PPM1B: variants seen among roughly 807,000 people sequenced by gnomAD.
PPM1B encodes protein phosphatase 1B.
A neutral mutation model predicts 43.0 loss-of-function variants in PPM1B; 22 were observed. That is an observed-to-expected ratio of 0.51 (90% confidence interval 0.37 to 0.73). The LOEUF (loss-of-function observed/expected upper bound fraction) is 0.73. Among genes scored for constraint, PPM1B ranks in the 30% least tolerant of loss-of-function variants. PPM1B has a pLI of 0.00. For synonymous variants in PPM1B, 217 were observed against 197.9 expected (o/e 1.10, Z -0.81); for missense variants, 632 against 584.2 (o/e 1.08, Z -0.84).
chr2:44,183,516 C>G (rs1322870834), intron 1 of PPM1B, among the ~76,000 whole-genome samples: 1 of 152,162 alleles, frequency 6.6e-6, no homozygotes, highest in Non-Finnish European at 1.5e-5. Context: ...TTAGGTAGGC[C>G]TGAATGACCT....
downstream of PPM1B, among the ~76,000 whole-genome samples, chr2:44,238,657 G>T (rs970478997): frequency 1.3e-5 from 2 of 151,798 alleles, no homozygotes; most frequent in Non-Finnish European, 2.9e-5. Flanking sequence ...AGCCAAAATC[G>T]TGCCACTGCA....
intron 2 of PPM1B, among the ~76,000 whole-genome samples, chr2:44,206,218 CTG>C (rs1312435332): frequency 2.0e-5 from 3 of 151,942 alleles, no homozygotes; most frequent in African/African-American, 7.3e-5. Context: ...GTTATCCAAA[CTG>C]GATTTAGAAA....
At chr2:44,217,798 G>C in intron 3 of PPM1B, 169 bp from the exon 4 acceptor site, 1 of 422,720 alleles carries the variant, frequency 2.4e-6, no homozygotes. Flanking sequence ...CAATGTTTCA[G>C]TCAATAAGTA....
At chr2:44,216,270 G>A (rs1240250064) in intron 3 of PPM1B, among the ~76,000 whole-genome samples, 2 of 152,168 alleles carry the variant, frequency 1.3e-5, no homozygotes, top group Non-Finnish European at 2.9e-5. Flanking sequence ...GACATTTTTG[G>A]TGTCATAGCT....
At chr2:44,239,431 GTTTTTCTT>G (rs962526527), downstream of PPM1B, among the ~76,000 whole-genome samples, 21 of 151,330 alleles carry the variant, frequency 1.4e-4, no homozygotes, top group Non-Finnish European at 2.2e-4. Flanking sequence ...CTCTCAGACT[GTTTTTCTT>G]TTTTTCTTTG....
intron 5 of PPM1B, among the ~76,000 whole-genome samples, chr2:44,229,276 T>A (rs1670364742): frequency 6.6e-6 from 1 of 152,186 alleles, no homozygotes; most frequent in Non-Finnish European, 1.5e-5. Flanking sequence ...ATTTTTAATT[T>A]TTGTGGGTAC....
intron 5 of PPM1B, among the ~76,000 whole-genome samples, chr2:44,220,374 TAAAA>T (rs1469658416): frequency 6.6e-6 from 1 of 151,912 alleles, no homozygotes. Flanking sequence ...TTAAATTTTT[TAAAA>T]AGAAAAAATG....
downstream of PPM1B, chr2:44,232,295 C>G (rs767803976): frequency 5.0e-6 from 8 of 1,601,518 alleles, no homozygotes; most frequent in Non-Finnish European, 6.8e-6. Flanking sequence ...TAATAATATT[C>G]TTCCTTTTCT....
downstream of PPM1B, chr2:44,232,997 C>G (rs899896178): frequency 3.1e-6 from 3 of 980,000 alleles, no homozygotes; most frequent in Non-Finnish European, 2.4e-6. Context: ...ATGCATGTAT[C>G]TACTGCATCC....
At chr2:44,219,053 G>A (rs990182446) in intron 5 of PPM1B, 2 of 293,280 alleles carry the variant, frequency 6.8e-6, no homozygotes, top group Admixed American at 5.1e-5. Flanking sequence ...AACCATTTCT[G>A]TTGTACCTTG....
chr2:44,197,123 CT>C (rs202169617), intron 1 of PPM1B, among the ~76,000 whole-genome samples: 1 of 151,468 alleles, frequency 6.6e-6, no homozygotes, highest in African/African-American at 2.4e-5. Flanking sequence ...CTAACGTTAA[CT>C]TTTTTTTTGA....
At position 44,201,958 on chromosome 2, in the gene PPM1B, G is replaced by A. The variant is rs1330404275; in HGVS notation, c.759G>A (p.Glu253=). 1.9e-6 allele frequency: 3 copies of A among 1,613,972 alleles called. No homozygotes were observed. The highest frequency in any genetic ancestry group is 2.2e-5 in the East Asian group (1 of 44,874). The change falls in exon 2 of 6, where the codon GAG becomes GAA. Residue 253 remains glutamate (E), a synonymous_variant. Transcript: ENST00000282412. This position sits in a 1 kb window ranked among gnomAD's most constrained non-coding sequence, Gnocchi z 5.4. ...TCTGGGATGTTATGAGTAATGAGGA[G>A]CTCTGTGAATATGTTAAATCTAGGC... The part of the protein sequence containing the change: ...DGIWDVMSNE[E]LCEYVKSRLE...
chr2:44,209,253 A>G lies in PPM1B; in HGVS notation c.890A>G (p.Asn297Ser). The change falls in exon 3 of 6, where the codon AAT (asparagine) becomes AGT (serine). Residue 297 changes from asparagine to serine, a missense_variant. Around this residue, in one of 3 missense-constraint regions of PPM1B, gnomAD observed 392 missense variants for 302.7 expected, o/e 1.29. Coordinates refer to ENST00000282412, the MANE Select transcript of PPM1B (RefSeq NM_002706.6). ...AGTATTGTACTAGTTTGCTTTTCAA[A>G]TGCTCCCAAGGTCTCAGATGAAGCG... is the stretch of plus-strand genomic sequence containing the variant. ...NMSIVLVCFS[N>S]APKVSDEAVK... 6.2e-7 allele frequency: 1 copy of G among 1,613,876 alleles called. No individual in the cohort carries two copies. Among genetic ancestry groups the G allele is most frequent in the East Asian group, 2.2e-5 (1 of 44,872 alleles).
chr2:44,173,634 T>A lies in PPM1B; in HGVS notation c.-15+4360T>A, dbSNP rs115378662. ...TATCTTGTTATTGCTTGGCATAACATATACCTTTTATAATAATACTCTTCA... is the reference window on the plus strand; with the variant it reads ...TATCTTGTTATTGCTTGGCATAACAAATACCTTTTATAATAATACTCTTCA... On this transcript the variant is annotated intron_variant, in intron 1 of 5. Transcript: ENST00000282412. Among the ~76,000 whole-genome samples the A allele has an allele frequency of 2.8e-3, 433 of 152,278 alleles. 2 individuals carry two copies. Among genetic ancestry groups the A allele is most frequent in the African/African-American group, 0.01 (421 of 41,534 alleles).
At chr2:44,208,978 T>C (rs920717006) in intron 2 of PPM1B, among the ~76,000 whole-genome samples, 7 of 152,190 alleles carry the variant, frequency 4.6e-5, no homozygotes, top group Non-Finnish European at 1.0e-4. Context: ...TGGCTGTGGG[T>C]AATAATAGTT....
intron 1 of PPM1B, among the ~76,000 whole-genome samples, chr2:44,195,173 G>C (rs891747353): frequency 6.6e-6 from 1 of 150,910 alleles, no homozygotes; most frequent in Non-Finnish European, 1.5e-5. Flanking sequence ...GATTACAGGC[G>C]TGAGCCACCC....
intron 1 of PPM1B, among the ~76,000 whole-genome samples, chr2:44,174,952 A>G (rs1166059793): frequency 2.0e-5 from 3 of 152,170 alleles, no homozygotes; most frequent in African/African-American, 4.8e-5. Flanking sequence ...GGCCTTTCTT[A>G]GTCCCTTAAA....
intron 1 of PPM1B, among the ~76,000 whole-genome samples, chr2:44,180,189 C>T (rs1230822500): frequency 6.6e-6 from 1 of 151,944 alleles, no homozygotes; most frequent in Non-Finnish European, 1.5e-5. Flanking sequence ...ATTTCTTTTC[C>T]TTCATATATT....
In PPM1B at chr2:44,240,185, C is replaced by T. The variant is rs894310882; in HGVS notation, n.1547-4043C>T. ...ACCGCACATGGCCTAAATCTAGTTC[C>T]TTCTAATAAAATGCAACTAATAATC... On this transcript the variant is annotated intron_variant and non_coding_transcript_variant, in intron 5 of 5. Transcript: ENST00000378540. 1.0e-4 allele frequency among the ~76,000 whole-genome samples: 15 copies of T among 145,602 alleles called. 3 individuals carry two copies. The highest frequency in any genetic ancestry group is 2.3e-4 in the Non-Finnish European group (15 of 65,258).
Sources: allele counts gnomAD v4.1 joint callset (sites outside exome capture counted in the v4.1 genomes callset), GRCh38; gene constraint gnomAD v4.1.1; regional missense constraint gnomAD v4.1.1; non-coding constraint Gnocchi (gnomAD v3.1); transcripts MANE v1.5; gene names NCBI Gene and HGNC (gene_info 2026-07-23, HGNC 2026-07-21).